The following GAN variants were observed in gnomAD, a reference collection of about 807,000 sequenced individuals.
The protein encoded by GAN is epididymis secretory sperm binding protein.
GAN carries 48 observed loss-of-function variants against 71.3 expected under a neutral mutation model. That is an observed-to-expected ratio of 0.67 (90% CI 0.53 to 0.86). The LOEUF is 0.86. Among genes scored for constraint, GAN ranks in the 40% least tolerant of loss-of-function variants. GAN has a pLI of 0.00. For synonymous variants in GAN, 386 were observed against 276.8 expected, an observed-to-expected ratio of 1.39 and a Z score of -3.92; for missense variants, 928 against 770.1, an observed-to-expected ratio of 1.21 and a Z score of -2.43.
intron 9 of GAN, among the ~76,000 whole-genome samples, chr16:81,374,285 T>G (rs1904275318): frequency 6.6e-6 from 1 of 152,226 alleles, no homozygotes; most frequent in Admixed American, 6.5e-5. Context: ...TAAGGTGGTA[T>G]CTGTTAGATT....
At chr16:81,331,827 T>C (rs1208591394) in intron 1 of GAN, among the ~76,000 whole-genome samples, 1 of 152,236 alleles carries the variant, frequency 6.6e-6, no homozygotes, top group African/African-American at 2.4e-5. Context: ...GTCTTCAGTA[T>C]GTCAGAAGAA....
At chr16:81,315,473 C>G (rs1039678532) in intron 1 of GAN, among the ~76,000 whole-genome samples, 193 bp downstream of exon 1, 2 of 151,958 alleles carry the variant, frequency 1.3e-5, no homozygotes, top group East Asian at 1.9e-4. Context: ...CAGGCGGCCT[C>G]TGTGGCTTCC....
chr16:81,385,312 A>AC lies in GAN; in HGVS notation c.*7720dup, dbSNP rs1904367388. ...ACAAAGGCTTATTCCTTTAACTTAAACCCCAAACTTTGTTATTTTAATTAT... is the reference window on the plus strand; with the variant it reads ...ACAAAGGCTTATTCCTTTAACTTAAACCCCCAAACTTTGTTATTTTAATTAT... On this transcript the variant is annotated 3_prime_UTR_variant, in exon 11 of 11. Coordinates refer to ENST00000648994, the MANE Select transcript of GAN (RefSeq NM_022041.4). 6.6e-6 allele frequency: 1 copy of AC among 151,962 alleles called. No homozygotes were observed. The highest frequency in any genetic ancestry group is 1.5e-5 in the Non-Finnish European group (1 of 68,022). 9.4% of individuals were successfully genotyped at this position (151,962 alleles called of 1,614,324 possible). A position where few individuals can be genotyped will look rare whatever the true frequency, so the allele number is the denominator to read the frequency against.
At chr16:81,336,206 T>C (rs12934500) in intron 1 of GAN, among the ~76,000 whole-genome samples, 63,523 of 152,128 alleles carry the variant, frequency 0.42, 14,136 homozygotes, top group Middle Eastern at 0.52. Context: ...CACTACCTGC[T>C]GAGGAGCTTC....
intron 7 of GAN, among the ~76,000 whole-genome samples, 162 bp downstream of exon 7, chr16:81,364,105 A>G (rs963857618): frequency 2.6e-5 from 4 of 152,190 alleles, no homozygotes; most frequent in African/African-American, 9.7e-5. Flanking sequence ...GTCATCAGCC[A>G]CACACCAAGA....
At chr16:81,363,234 A>T (rs1389248465) in intron 6 of GAN, among the ~76,000 whole-genome samples, 1 of 152,178 alleles carries the variant, frequency 6.6e-6, no homozygotes, top group African/African-American at 2.4e-5. Context: ...TTTGTTATGC[A>T]AAAATAATTG....
At chr16:81,376,392 G>A (rs1167316441) in intron 9 of GAN, among the ~76,000 whole-genome samples, 2 of 151,644 alleles carry the variant, frequency 1.3e-5, no homozygotes, top group East Asian at 3.9e-4. Flanking sequence ...TGCTGAGGTG[G>A]GCAGATCACC....
intron 9 of GAN, among the ~76,000 whole-genome samples, chr16:81,375,263 A>G (rs1332292404): frequency 6.6e-6 from 1 of 151,798 alleles, no homozygotes; most frequent in Non-Finnish European, 1.5e-5. Flanking sequence ...ATTGAATAAG[A>G]AGAAGACAGT....
Position 81,383,022 on chromosome 16 carries a change from C to T in GAN, c.*5426C>T, listed in dbSNP as rs1597416657. 1 of 151,586 alleles carries T rather than the reference C, an allele frequency of 6.6e-6. No homozygotes were observed. The highest frequency in any genetic ancestry group is 1.5e-5 in the Non-Finnish European group (1 of 67,926). 9.4% of individuals were successfully genotyped at this position (151,586 alleles called of 1,614,324 possible). Reference sequence around the variant, plus strand: ...AGAAACTGGGTTTTGCTCTGTTGCCCAGGCTGATCTTAAACTCCTGGCCTC... The same window carrying T: ...AGAAACTGGGTTTTGCTCTGTTGCCTAGGCTGATCTTAAACTCCTGGCCTC... On this transcript the variant is annotated 3_prime_UTR_variant, in exon 11 of 11. Coordinates refer to ENST00000648994, the MANE Select transcript of GAN (RefSeq NM_022041.4).
At chr16:81,364,778 TTAAGAA>T (rs1188784324) in intron 7 of GAN, among the ~76,000 whole-genome samples, 190 bp from the exon 8 acceptor site, 10 of 152,220 alleles carry the variant, frequency 6.6e-5, no homozygotes, top group East Asian at 1.9e-4. Flanking sequence ...TTTCTGAAGA[TTAAGAA>T]TATGTGTCTT....
intron 1 of GAN, among the ~76,000 whole-genome samples, chr16:81,318,690 GC>G (rs943976347): frequency 1.3e-5 from 2 of 152,114 alleles, no homozygotes; most frequent in Non-Finnish European, 2.9e-5. Context: ...CTTTGGTCTA[GC>G]CCTTGTTTTT....
At chr16:81,346,515 C>T (rs1306877840) in intron 1 of GAN, among the ~76,000 whole-genome samples, 1 of 152,140 alleles carries the variant, frequency 6.6e-6, no homozygotes, top group Non-Finnish European at 1.5e-5. Flanking sequence ...GGAGCGCGAA[C>T]CCTATTGTGA....
intron 6 of GAN, 101 bp downstream of exon 6, chr16:81,362,712 C>G: frequency 1.3e-6 from 1 of 753,880 alleles, no homozygotes; most frequent in Admixed American, 1.9e-5. Flanking sequence ...GCAGCCTTGT[C>G]AAGCCACCTG....
At position 81,380,391 on chromosome 16, in the gene GAN, T is replaced by C. The variant is rs1904299027; in HGVS notation, c.*2795T>C. On this transcript the variant is annotated 3_prime_UTR_variant, in exon 11 of 11. Transcript: ENST00000648994. ...TGTCTCAGGTTAGAATAAGTAAATA[T>C]TTAAAGAACCTCTCCTAGGCTGCAG... 6.6e-6 allele frequency: 1 copy of C among 152,650 alleles called. No individual in the cohort carries two copies. The highest frequency in any genetic ancestry group is 1.5e-5 in the Non-Finnish European group (1 of 68,030). The allele number at this position is 152,650 out of a possible 1,614,324, so 9.5% of individuals were successfully genotyped here.
intron 9 of GAN, among the ~76,000 whole-genome samples, chr16:81,374,809 C>A (rs1161626690): frequency 2.0e-5 from 3 of 152,184 alleles, no homozygotes; most frequent in African/African-American, 7.2e-5. Flanking sequence ...CATAGAGCCT[C>A]AAATCCTTTT....
intron 6 of GAN, among the ~76,000 whole-genome samples, chr16:81,362,947 T>G (rs1376463440): frequency 1.3e-5 from 2 of 152,264 alleles, no homozygotes; most frequent in Admixed American, 1.3e-4. Context: ...CCCGTCTTCG[T>G]ACGACGTCTC....
At position 81,315,022 on chromosome 16, in the gene GAN, G is replaced by C. The variant is rs1597385540; in HGVS notation, c.-92G>C. On this transcript the variant is annotated 5_prime_UTR_variant, in exon 1 of 11. Transcript: ENST00000648994. ...TGCTCAGAGCGCGGAGAGCCGGGCC[G>C]GGCGGGCGCGCGCGCAGGACTCGGG... is the stretch of plus-strand genomic sequence containing the variant. The C allele has an allele frequency of 5.4e-6, 6 of 1,110,292 alleles. No homozygotes were observed. Among genetic ancestry groups the C allele is most frequent in the Admixed American group, 4.2e-5 (1 of 23,894 alleles). 68.8% of individuals were successfully genotyped at this position (1,110,292 alleles called of 1,614,324 possible).
chr16:81,373,336 G>A (rs916105853), intron 9 of GAN, among the ~76,000 whole-genome samples: 4 of 152,122 alleles, frequency 2.6e-5, no homozygotes, highest in Non-Finnish European at 5.9e-5. Flanking sequence ...CTGTGACCTG[G>A]CTATGCCTGT....
intron 1 of GAN, among the ~76,000 whole-genome samples, chr16:81,342,958 C>T (rs540702399): frequency 6.6e-6 from 1 of 152,266 alleles, no homozygotes; most frequent in East Asian, 1.9e-4. Context: ...CACCACCGAT[C>T]CCAAAGAAAT....
Sources: allele counts gnomAD v4.1 joint callset (sites outside exome capture counted in the v4.1 genomes callset), GRCh38; gene constraint gnomAD v4.1.1; transcripts MANE v1.5; gene names NCBI Gene and HGNC (gene_info 2026-07-23, HGNC 2026-07-21).